The following TRAK1 variants were observed in gnomAD, a reference collection of about 807,000 sequenced individuals.
TRAK1 encodes trafficking kinesin-binding protein 1.
In TRAK1, 33 loss-of-function variants were observed where a neutral mutation model predicts 92.1. The observed-to-expected ratio is 0.36, with a 90% CI of 0.27 to 0.48. TRAK1 has a LOEUF of 0.48. TRAK1 is among the 20% of genes least tolerant of loss of function. The pLI, the probability that TRAK1 is intolerant of heterozygous loss-of-function variation, is 0.99. For synonymous variants in TRAK1, 521 were observed against 517.3 expected (o/e 1.01, Z -0.10); for missense variants, 1,123 against 1,257.9 (o/e 0.89, Z 1.62).
intron 1 of TRAK1, among the ~76,000 whole-genome samples, chr3:42,123,269 G>A (rs1187939152): frequency 6.6e-6 from 1 of 152,164 alleles, no homozygotes; most frequent in Non-Finnish European, 1.5e-5. Flanking sequence ...CTTCTTCCAG[G>A]CAGAGGTGTT....
At chr3:42,122,373 T>C (rs955322864) in intron 1 of TRAK1, among the ~76,000 whole-genome samples, 1 of 151,794 alleles carries the variant, frequency 6.6e-6, no homozygotes, top group African/African-American at 2.4e-5. Context: ...GTCTGTTGCC[T>C]TCCCCACCAC....
intron 1 of TRAK1, among the ~76,000 whole-genome samples, chr3:42,073,101 C>T (rs1479862105): frequency 3.9e-5 from 6 of 152,208 alleles, no homozygotes; most frequent in Admixed American, 1.3e-4. Flanking sequence ...TACAAGTCTG[C>T]CCTGAAGTCA....
rs117533277 is a variant in TRAK1 at position 42,014,761 on chromosome 3, G to A, written c.-519+644G>A. On this transcript the variant is annotated intron_variant, in intron 1 of 16. Coordinates refer to the TRAK1 transcript ENST00000487159. ...TGCACTTGTTCAGACACTGAAATTA[G>A]CGTCCGCTTTGAGAGCCTTCAGAGT... 4.5e-4 allele frequency among the ~76,000 whole-genome samples: 68 copies of A among 151,964 alleles called. 1 individual carries two copies. The East Asian group carries it at 0.011, about 25-fold the overall frequency.
At chr3:42,112,957 G>A (rs534951770) in intron 1 of TRAK1, among the ~76,000 whole-genome samples, 3 of 151,966 alleles carry the variant, frequency 2.0e-5, no homozygotes, top group African/African-American at 7.2e-5. Flanking sequence ...TTTTTGTAGA[G>A]ATGAGGTCTT....
upstream of TRAK1, among the ~76,000 whole-genome samples, chr3:42,088,147 T>A (rs972458494): frequency 6.6e-6 from 1 of 152,228 alleles, no homozygotes. Flanking sequence ...CAGTGTTTGC[T>A]TTTGTTTGTC....
exon 1 of TRAK1, chr3:42,014,031 G>GGGCCCC (rs1258363444): frequency 6.6e-6 from 1 of 151,246 alleles, no homozygotes; most frequent in Non-Finnish European, 1.5e-5. Context: ...GGCCGGGGCC[G>GGGCCCC]GGCCGAGAAC....
chr3:42,097,805 G>A (rs1383082473), intron 1 of TRAK1, among the ~76,000 whole-genome samples: 1 of 152,128 alleles, frequency 6.6e-6, no homozygotes, highest in East Asian at 1.9e-4. Context: ...TATGATTTGA[G>A]TTTTTAAATT....
chr3:42,020,659 T>G (rs989970626), intron 1 of TRAK1, among the ~76,000 whole-genome samples: 6 of 152,214 alleles, frequency 3.9e-5, no homozygotes, highest in African/African-American at 1.4e-4. Flanking sequence ...GAGTGGATCA[T>G]TGGGTCATAA....
chr3:42,202,009 G>C lies in TRAK1; in HGVS notation c.1428-427G>C, dbSNP rs1042907190. Among the ~76,000 whole-genome samples, 2 of 151,488 alleles carry C rather than the reference G, an allele frequency of 1.3e-5. No individual in the cohort carries two copies. Among genetic ancestry groups the C allele is most frequent in the African/African-American group, 4.9e-5 (2 of 41,112 alleles). Reference sequence around the variant, plus strand: ...CGGACCAGTTGGAACAGACAGACAGGAAGCTCCTTGATCAGAGCAGGTTTT... The same window carrying C: ...CGGACCAGTTGGAACAGACAGACAGCAAGCTCCTTGATCAGAGCAGGTTTT... On this transcript the variant is annotated intron_variant, in intron 12 of 15. Coordinates refer to ENST00000327628, the MANE Select transcript of TRAK1 (RefSeq NM_001042646.3). The surrounding 1 kb of genome is among the most constrained non-coding windows in gnomAD (Gnocchi z 6.1).
rs530723218 is a variant in TRAK1, at chr3:42,041,785, G to GTT, written c.-519+27678_-519+27679dup. Among the ~76,000 whole-genome samples the GTT allele has an allele frequency of 1.2e-3, 155 of 133,784 alleles. 2 individuals carry two copies. The highest frequency in any genetic ancestry group is 3.0e-3 in the East Asian group (14 of 4,700). 87.8% of individuals were successfully genotyped at this position (133,784 alleles called of 152,430 possible). On this transcript the variant is annotated intron_variant, in intron 1 of 16. Coordinates refer to the TRAK1 transcript ENST00000487159. ...GAGGAAGTTCCCTTCTATTTCTATTGTTTTTTTTTTTCTTTTCTTTTCTTT... is the reference window on the plus strand; with the variant it reads ...GAGGAAGTTCCCTTCTATTTCTATTGTTTTTTTTTTTTTCTTTTCTTTTCTTT...
chr3:42,177,523 A>G (rs2149365219), intron 3 of TRAK1, among the ~76,000 whole-genome samples: 2 of 152,374 alleles, frequency 1.3e-5, no homozygotes, highest in Middle Eastern at 6.8e-3. Flanking sequence ...ATAAGTCTCC[A>G]TCATTAATGC....
chr3:42,074,291 C>T (rs977245504), intron 1 of TRAK1, among the ~76,000 whole-genome samples: 1 of 152,186 alleles, frequency 6.6e-6, no homozygotes, highest in African/African-American at 2.4e-5. Context: ...AGCATAGTAC[C>T]AGACCACTGG....
chr3:42,202,357 G>A lies in TRAK1; in HGVS notation c.1428-79G>A, dbSNP rs776570474. The A allele has an allele frequency of 3.9e-4, 526 of 1,364,834 alleles. 1 individual carries two copies. The highest frequency in any genetic ancestry group is 4.7e-4 in the South Asian group (21 of 44,288). The allele number at this position is 1,364,834 out of a possible 1,614,324, so 84.5% of individuals were successfully genotyped here. A position where few individuals can be genotyped will look rare whatever the true frequency, so the allele number is the denominator to read the frequency against. On this transcript the variant is annotated intron_variant, in intron 12 of 15. Coordinates refer to ENST00000327628, the MANE Select transcript of TRAK1 (RefSeq NM_001042646.3). This position sits in a 1 kb window ranked among gnomAD's most constrained non-coding sequence, Gnocchi z 6.1. ...CCTGTAGCCCCAGGGAACGTCCACC[G>A]CTGTGCATTGAGCAGTCGGGCCTCT...
intron 1 of TRAK1, among the ~76,000 whole-genome samples, chr3:42,099,701 T>A (rs1312184370): frequency 1.3e-5 from 2 of 152,188 alleles, no homozygotes; most frequent in Non-Finnish European, 2.9e-5. Flanking sequence ...GCTTATCTCA[T>A]AAATATAATT....
intron 10 of TRAK1, among the ~76,000 whole-genome samples, chr3:42,196,977 TTCTCTTTCTCTC>T (rs1170029755): frequency 4.0e-4 from 25 of 62,402 alleles, no homozygotes; most frequent in African/African-American, 1.4e-3. Context: ...CTCTCTCTCT[TTCTCTTTCTCTC>T]TCTCTCTCTC....
At chr3:42,203,403 C>G (rs1559382254) in intron 13 of TRAK1, 1 of 984,844 alleles carries the variant, frequency 1.0e-6, no homozygotes, top group Non-Finnish European at 1.2e-6. Flanking sequence ...TTTTCAGGGT[C>G]AGTTCATGTG....
chr3:42,159,002 A>G (rs1019464847), intron 2 of TRAK1, among the ~76,000 whole-genome samples: 1 of 147,654 alleles, frequency 6.8e-6, no homozygotes, highest in Admixed American at 6.8e-5. Flanking sequence ...AATAATAATA[A>G]TTAGAGGATG....
At chr3:42,170,131 A>G (rs932848970) in intron 2 of TRAK1, among the ~76,000 whole-genome samples, 3 of 152,062 alleles carry the variant, frequency 2.0e-5, no homozygotes, top group Admixed American at 2.0e-4. Context: ...TGGTCCCTGT[A>G]TGTCCTGTGT....
intron 2 of TRAK1, chr3:42,160,201 C>T: frequency 1.4e-6 from 2 of 1,440,918 alleles, no homozygotes; most frequent in Admixed American, 2.7e-5. Context: ...TTGTGTACAC[C>T]CCTCCACTTC....
Sources: allele counts gnomAD v4.1 joint callset (sites outside exome capture counted in the v4.1 genomes callset), GRCh38; gene constraint gnomAD v4.1.1; non-coding constraint Gnocchi (gnomAD v3.1); transcripts MANE v1.5; gene names NCBI Gene and HGNC (gene_info 2026-07-23, HGNC 2026-07-21).